Variants in PSIP1 observed in about 807,000 individuals in gnomAD.
PSIP1 encodes the protein PC4 and SRSF1 interacting protein 1.
A neutral mutation model predicts 74.7 loss-of-function variants in PSIP1; 19 were observed. That is an observed-to-expected ratio of 0.25 (90% CI 0.18 to 0.37). PSIP1 has a LOEUF of 0.37. Ranked by LOEUF, PSIP1 falls within the 10% of genes least tolerant of loss-of-function variation. PSIP1 has a pLI of 1.00. For synonymous variants in PSIP1, 222 were observed against 195.3 expected, an observed-to-expected ratio of 1.14 and a Z score of -1.14; for missense variants, 601 against 614.3, an observed-to-expected ratio of 0.98 and a Z score of 0.23.
At position 15,467,842 on chromosome 9, in the gene PSIP1, C is replaced by G. The variant is rs115736813; in HGVS notation, c.1420+788G>C. 1.2e-3 allele frequency among the ~76,000 whole-genome samples: 184 copies of G among 152,238 alleles called. 1 individual carries two copies. The highest frequency in any genetic ancestry group is 4.4e-3 in the African/African-American group (181 of 41,556). ...TAAGTGCTTTGTAAGACTTTATCAC[C>G]AGGCGCGGTGGCTCATGCCTGTAAT... On this transcript the variant is annotated intron_variant, in intron 14 of 15. Coordinates refer to ENST00000380733, the MANE Select transcript of PSIP1 (RefSeq NM_033222.5).
intron 3 of PSIP1, among the ~76,000 whole-genome samples, chr9:15,501,943 C>T (rs1368268435): frequency 2.6e-5 from 4 of 151,608 alleles, no homozygotes; most frequent in Admixed American, 1.3e-4. Flanking sequence ...CGTCCGTGGC[C>T]TGTTAGGAAC....
chr9:15,466,691 T>C, intron 15 of PSIP1, 57 bp downstream of exon 15: 1 of 1,355,532 alleles, frequency 7.4e-7, no homozygotes, highest in Non-Finnish European at 1.0e-6. Context: ...AACAGAACTG[T>C]GATTAAAAAC....
In PSIP1 at chr9:15,465,527, T is replaced by C. The variant is rs764951991; in HGVS notation, c.1586A>G (p.Asp529Gly). The part of the protein sequence containing the change: ...TEISLKDSTL[D>G]N ...TATTCCAGGTATGTCAACCTAGTTATCTAGTGTAGAATCCTTCAGAGATAT... is the reference window on the plus strand; with the variant it reads ...TATTCCAGGTATGTCAACCTAGTTACCTAGTGTAGAATCCTTCAGAGATAT... Residue 529 changes from aspartate (D) to glycine (G), a missense_variant, in exon 16 of 16, where the codon GAT (aspartate) becomes GGT (glycine). Physicochemically the swap from Asp to Gly is moderately conservative, Grantham distance 94. Around this residue, in one of 2 missense-constraint regions of PSIP1, gnomAD observed 538 missense variants for 507.6 expected, o/e 1.06. Transcript: ENST00000380733. 6 of 1,564,716 alleles carry C rather than the reference T, an allele frequency of 3.8e-6. No individual in the cohort carries two copies. The highest frequency in any genetic ancestry group is 4.5e-5 in the East Asian group (2 of 44,238).
chr9:15,506,805 C>T (rs1301260176), intron 2 of PSIP1, among the ~76,000 whole-genome samples, 168 bp from the exon 3 acceptor site: 1 of 152,200 alleles, frequency 6.6e-6, no homozygotes, highest in African/African-American at 2.4e-5. Flanking sequence ...GCTCTGAAAA[C>T]CAAAATTTCT....
At chr9:15,503,621 C>A (rs1235281831) in intron 3 of PSIP1, among the ~76,000 whole-genome samples, 1 of 151,450 alleles carries the variant, frequency 6.6e-6, no homozygotes, top group Non-Finnish European at 1.5e-5. Context: ...ATGATCGCCG[C>A]TGTGTTCCAT....
chr9:15,489,012 C>T (rs903681444), intron 4 of PSIP1, among the ~76,000 whole-genome samples: 1 of 151,924 alleles, frequency 6.6e-6, no homozygotes, highest in African/African-American at 2.4e-5. Context: ...CAGAGCGAGA[C>T]TCCTCTCAAA....
intron 6 of PSIP1, chr9:15,485,802 T>C (rs866614437): frequency 2.4e-6 from 1 of 424,836 alleles, no homozygotes; most frequent in Non-Finnish European, 4.1e-6. Context: ...TTTTATTTCC[T>C]TTACCACTCA....
At position 15,492,380 on chromosome 9, in the gene PSIP1, CA is replaced by C. The variant is rs556577476; in HGVS notation, c.150-2257del. 3.8e-4 allele frequency among the ~76,000 whole-genome samples: 58 copies of C among 152,206 alleles called. 1 individual carries two copies. Among genetic ancestry groups the C allele is most frequent in the Non-Finnish European group, 8.2e-4 (56 of 68,032 alleles). ...AAATCTAATAGGGGCAGTCAAGTTC[CA>C]AAATGATCTCCTTTGACTGCATGTC... On this transcript the variant is annotated intron_variant, in intron 3 of 15. Coordinates refer to ENST00000380733, the MANE Select transcript of PSIP1 (RefSeq NM_033222.5).
chr9:15,471,742 T>C, intron 10 of PSIP1: 7 of 963,152 alleles, frequency 7.3e-6, no homozygotes, highest in Non-Finnish European at 8.6e-6. Context: ...AGAAAGACTT[T>C]GGCTTACGGA....
intron 11 of PSIP1, among the ~76,000 whole-genome samples, chr9:15,469,571 G>A (rs1030145994): frequency 1.3e-5 from 2 of 152,060 alleles, no homozygotes; most frequent in Non-Finnish European, 2.9e-5. Context: ...ACTTGGCTGC[G>A]TTTTTCCTAA....
At chr9:15,508,596 T>C (rs202221774) in intron 2 of PSIP1, among the ~76,000 whole-genome samples, 9 of 152,172 alleles carry the variant, frequency 5.9e-5, no homozygotes, top group East Asian at 1.9e-4. Flanking sequence ...AATCGGAATA[T>C]AGATCTATTA....
In PSIP1 at chr9:15,494,563, C is replaced by T. The variant is rs983858179; in HGVS notation, c.150-4439G>A. Among the ~76,000 whole-genome samples, 4 of 41,562 alleles carry T rather than the reference C, an allele frequency of 9.6e-5. No homozygotes were observed. In the East Asian group the frequency reaches 3.3e-3, roughly 34 times the overall value. 27.3% of individuals were successfully genotyped at this position (41,562 alleles called of 152,430 possible). A position where few individuals can be genotyped will look rare whatever the true frequency, so the allele number is the denominator to read the frequency against. ...CTGGGCAACAAGAGCAAAACTGCAT[C>T]TCAAAAAAAAAAAAAAAAAAAAAAA... On this transcript the variant is annotated intron_variant, in intron 3 of 15. Transcript: ENST00000380733.
chr9:15,489,905 T>A, intron 4 of PSIP1, 81 bp downstream of exon 4: 2 of 1,184,602 alleles, frequency 1.7e-6, no homozygotes, highest in South Asian at 4.0e-5. Context: ...AGGCTTTTAG[T>A]ATTTACTTTC....
intron 4 of PSIP1, among the ~76,000 whole-genome samples, chr9:15,488,438 T>C (rs2036654547): frequency 6.6e-6 from 1 of 152,216 alleles, no homozygotes; most frequent in South Asian, 2.1e-4. Context: ...ACCTCAGGTC[T>C]TAAACAGAGG....
intron 3 of PSIP1, among the ~76,000 whole-genome samples, chr9:15,500,925 G>A (rs1021824915): frequency 2.0e-5 from 3 of 152,080 alleles, no homozygotes; most frequent in African/African-American, 7.2e-5. Flanking sequence ...AATACTACTA[G>A]AAGTCTTGGA....
At position 15,479,702 on chromosome 9, in the gene PSIP1, T is replaced by C. The variant is rs1016767997; in HGVS notation, c.457-15A>G. Reference sequence around the variant, plus strand: ...TGTTTTTCTGCCTGAATTACAAAAATTTAATTAACTTATTTAGCAAATAGT... The same window carrying C: ...TGTTTTTCTGCCTGAATTACAAAAACTTAATTAACTTATTTAGCAAATAGT... On this transcript the variant is annotated splice_polypyrimidine_tract_variant and intron_variant, in intron 6 of 15. Transcript: ENST00000380733. The C allele has an allele frequency of 1.9e-6, 3 of 1,600,910 alleles. No homozygotes were observed. Among genetic ancestry groups the C allele is most frequent in the African/African-American group, 2.7e-5 (2 of 74,512 alleles).
At chr9:15,472,527 T>A (rs1349323737) in intron 10 of PSIP1, 105 bp downstream of exon 10, 89 of 1,467,246 alleles carry the variant, frequency 6.1e-5, no homozygotes, top group Admixed American at 1.9e-4. Flanking sequence ...AAAAGTCACT[T>A]CTTCAAAAGG....
rs1272450666 is a variant in PSIP1, at chr9:15,470,002, T to C, written c.978-9A>G. ...CTTCATCTTTATTCTGCCTATCAAA[T>C]GTTAACAAAAATATTTCAACACATT... On this transcript the variant is annotated splice_polypyrimidine_tract_variant and intron_variant, in intron 10 of 15. Coordinates refer to ENST00000380733, the MANE Select transcript of PSIP1 (RefSeq NM_033222.5). 8.7e-6 allele frequency: 14 copies of C among 1,600,068 alleles called. No individual in the cohort carries two copies. Among genetic ancestry groups the C allele is most frequent in the Non-Finnish European group, 1.2e-5 (14 of 1,173,166 alleles).
At chr9:15,479,745 T>C (rs1004114322) in intron 6 of PSIP1, 58 bp from the exon 7 acceptor site, 2 of 1,356,158 alleles carry the variant, frequency 1.5e-6, no homozygotes, top group Non-Finnish European at 2.1e-6. Flanking sequence ...CAAAGTTTAA[T>C]TCGATGGCAA....
Sources: gnomAD v4.1 joint callset for allele counts (sites outside exome capture counted in the v4.1 genomes callset) on GRCh38, gnomAD v4.1.1 for gene constraint, gnomAD v4.1.1 regional missense constraint, MANE v1.5 for transcripts, NCBI Gene and HGNC (gene_info 2026-07-23, HGNC 2026-07-21) for gene names.